MYOCD: variants seen among roughly 807,000 people sequenced by gnomAD.
MYOCD encodes the protein myocardin.
Under a neutral mutation model 96.1 loss-of-function variants are expected in MYOCD, and 32 were observed. That is an observed-to-expected ratio of 0.33 (90% confidence interval 0.25 to 0.45). The LOEUF is 0.45. Ranked by LOEUF, MYOCD falls within the 20% of genes least tolerant of loss-of-function variation. MYOCD has a pLI of 1.00. For missense variants in MYOCD, 1,133 were observed against 1,200.6 expected, an observed-to-expected ratio of 0.94 and a Z score of 0.83; for synonymous variants, 469 against 469.0, an observed-to-expected ratio of 1.00 and a Z score of 0.00.
intron 2 of MYOCD, among the ~76,000 whole-genome samples, chr17:12,708,091 T>C (rs2031359586): frequency 6.6e-6 from 1 of 152,180 alleles, no homozygotes; most frequent in African/African-American, 2.4e-5. Context: ...GTGCTGGTTC[T>C]CTTCAGAATA....
At chr17:12,746,847 G>A (rs2032679155) in intron 9 of MYOCD, among the ~76,000 whole-genome samples, 1 of 147,746 alleles carries the variant, frequency 6.8e-6, no homozygotes, top group African/African-American at 2.5e-5. Context: ...TCCTGCCTTA[G>A]CTTCCCTAGT....
intron 12 of MYOCD, 192 bp from the exon 13 acceptor site, chr17:12,760,458 C>G (rs2033138287): frequency 3.6e-6 from 2 of 561,428 alleles, no homozygotes; most frequent in Non-Finnish European, 6.5e-6. Flanking sequence ...TGTGAATGTA[C>G]TTAATGCCCC....
At position 12,752,873 on chromosome 17, in the gene MYOCD, A is replaced by C. The variant is rs767810774; in HGVS notation, c.1585A>C (p.Asn529His). 4 of 1,614,004 alleles carry C rather than the reference A, an allele frequency of 2.5e-6. No homozygotes were observed. Among genetic ancestry groups the C allele is most frequent in the African/African-American group, 1.3e-5 (1 of 74,906 alleles). ...GCTGGTGGAGAAGCAGAAGGTGATC[A>C]ATGAACTCACCTGGAAACTCCAGCA... ...KMLVEKQKVI[N>H]ELTWKLQQEQ... is the part of the protein sequence containing the mutation. The change falls in exon 10 of 14, where the codon AAT (asparagine) becomes CAT (histidine). Residue 529 changes from asparagine (N) to histidine (H), a missense_variant. Transcript: ENST00000425538.
chr17:12,698,597 G>A (rs1328512100), intron 1 of MYOCD, among the ~76,000 whole-genome samples: 1 of 152,094 alleles, frequency 6.6e-6, no homozygotes, highest in Non-Finnish European at 1.5e-5. Context: ...ATGAATTAAT[G>A]CCTTCAATCT....
intron 10 of MYOCD, among the ~76,000 whole-genome samples, chr17:12,754,193 C>T (rs911716417): frequency 2.8e-4 from 43 of 152,200 alleles, no homozygotes; most frequent in Admixed American, 6.6e-4. Context: ...CAACCTCTGC[C>T]TCCCGGGTTC....
intron 1 of MYOCD, among the ~76,000 whole-genome samples, chr17:12,677,108 G>A (rs970535512): frequency 6.6e-6 from 1 of 152,138 alleles, no homozygotes; most frequent in Non-Finnish European, 1.5e-5. Flanking sequence ...GCAGGGACAT[G>A]GTTGGAGCTG....
At chr17:12,732,790 G>C (rs145201360) in intron 5 of MYOCD, among the ~76,000 whole-genome samples, 1 of 152,184 alleles carries the variant, frequency 6.6e-6, no homozygotes, top group Non-Finnish European at 1.5e-5. Context: ...CCAAATGCCA[G>C]GTGTCAGAGT....
rs137939966 is a variant in MYOCD at position 12,752,540 on chromosome 17, A to G, written c.1252A>G (p.Ile418Val). Residue 418 changes from isoleucine to valine, a missense_variant, in exon 10 of 14, where the codon ATA (isoleucine) becomes GTA (valine). Coordinates refer to ENST00000425538, the MANE Select transcript of MYOCD (RefSeq NM_001146312.3). Reference protein sequence around the residue: ...SGNPVPNFGDITTVTFPVTPN... With the variant: ...SGNPVPNFGDVTTVTFPVTPN... ...CAACCCAGTGCCGAACTTTGGGGAT[A>G]TAACGACTGTCACTTTTCCTGTCAC... 204 of 1,614,184 alleles carry G rather than the reference A, an allele frequency of 1.3e-4. 1 individual carries two copies. In the African/African-American group the frequency reaches 2.6e-3, roughly 20 times the overall value.
Position 12,735,521 on chromosome 17 carries a change from A to T in MYOCD, c.416-640A>T, listed in dbSNP as rs563508037. 1.1e-4 allele frequency among the ~76,000 whole-genome samples: 16 copies of T among 152,290 alleles called. No individual in the cohort carries two copies. The South Asian group carries it at 3.1e-3, about 30-fold the overall frequency. ...AATACAAAGAAATGCCAAATAATAA[A>T]AAATGAGGATCAAGCTGAGGTTTCT... On this transcript the variant is annotated intron_variant, in intron 5 of 13. Transcript: ENST00000425538.
chr17:12,697,598 G>A (rs979874935), intron 1 of MYOCD, among the ~76,000 whole-genome samples: 2 of 151,378 alleles, frequency 1.3e-5, no homozygotes, highest in Non-Finnish European at 2.9e-5. Context: ...TCCTGACCTC[G>A]TCTCGGCCTC....
At chr17:12,750,684 G>A (rs922418596) in intron 9 of MYOCD, among the ~76,000 whole-genome samples, 21 of 151,850 alleles carry the variant, frequency 1.4e-4, no homozygotes, top group Middle Eastern at 3.4e-3. Context: ...GCAAGACTCC[G>A]CCTCAAAAAA....
chr17:12,742,417 G>A (rs1045308159), intron 7 of MYOCD, among the ~76,000 whole-genome samples: 3 of 152,094 alleles, frequency 2.0e-5, no homozygotes, highest in African/African-American at 7.2e-5. Context: ...AACCTGCCAA[G>A]TCAGAATATG....
intron 1 of MYOCD, among the ~76,000 whole-genome samples, chr17:12,683,028 T>G (rs1910573990): frequency 6.6e-6 from 1 of 152,168 alleles, no homozygotes; most frequent in Non-Finnish European, 1.5e-5. Flanking sequence ...TATTAGCGAC[T>G]TGGGTGGAAA....
intron 1 of MYOCD, among the ~76,000 whole-genome samples, chr17:12,675,217 A>G (rs1181216894): frequency 6.6e-6 from 1 of 152,164 alleles, no homozygotes; most frequent in Non-Finnish European, 1.5e-5. Context: ...AAATTAGCAA[A>G]ATTTTAAAAT....
At chr17:12,750,869 GGA>G (rs1205603890) in intron 9 of MYOCD, among the ~76,000 whole-genome samples, 2 of 151,852 alleles carry the variant, frequency 1.3e-5, no homozygotes, top group Non-Finnish European at 2.9e-5. Flanking sequence ...CTGAAAAGCT[GGA>G]TCATATATCC....
intron 11 of MYOCD, among the ~76,000 whole-genome samples, chr17:12,757,467 T>C (rs2033044568): frequency 6.6e-6 from 1 of 152,130 alleles, no homozygotes; most frequent in South Asian, 2.1e-4. Flanking sequence ...TAGATTAGTC[T>C]GGAAATTCCT....
Position 12,767,160 on chromosome 17 carries a change from T to A in MYOCD, c.*3516T>A, listed in dbSNP as rs1161161525. On this transcript the variant is annotated 3_prime_UTR_variant, in exon 14 of 14. Transcript: ENST00000425538. ...TCACATTATGAGAAGTAAATCAGAA[T>A]TTTTTTAAGGAGAAGTCATTCTTAG... 1.3e-5 allele frequency: 2 copies of A among 152,116 alleles called. No homozygotes were observed. The highest frequency in any genetic ancestry group is 4.8e-5 in the African/African-American group (2 of 41,412). 9.4% of individuals were successfully genotyped at this position (152,116 alleles called of 1,614,324 possible).
chr17:12,670,492 G>A (rs116696188), intron 1 of MYOCD, among the ~76,000 whole-genome samples: 1 of 151,984 alleles, frequency 6.6e-6, no homozygotes, highest in African/African-American at 2.4e-5. Flanking sequence ...CGGTCCCCAA[G>A]ATTTTTATCA....
At chr17:12,754,324 T>G (rs747183003) in intron 10 of MYOCD, among the ~76,000 whole-genome samples, 42 of 152,134 alleles carry the variant, frequency 2.8e-4, no homozygotes, top group Non-Finnish European at 5.6e-4. Flanking sequence ...GGCTGGTCTC[T>G]AACTCCTGAC....
Sources: allele counts gnomAD v4.1 joint callset (sites outside exome capture counted in the v4.1 genomes callset), GRCh38; gene constraint gnomAD v4.1.1; transcripts MANE v1.5; gene names NCBI Gene and HGNC (gene_info 2026-07-23, HGNC 2026-07-21).